RALGPS2: variants seen among roughly 807,000 people sequenced by gnomAD.
RALGPS2 encodes Ral GEF with PH domain and SH3 binding motif 2.
In RALGPS2, 43 loss-of-function variants were observed where a neutral mutation model predicts 86.8. The observed-to-expected ratio is 0.50, with a 90% confidence interval of 0.39 to 0.64. The LOEUF (loss-of-function observed/expected upper bound fraction) is 0.64, where lower values mean the gene tolerates loss of function less well. RALGPS2 is among the 30% of genes least tolerant of loss of function. The pLI, the probability that RALGPS2 is intolerant of heterozygous loss-of-function variation, is 0.00. For missense variants in RALGPS2, 536 were observed against 694.6 expected, an observed-to-expected ratio of 0.77 and a Z score of 2.57; for synonymous variants, 243 against 231.3, an observed-to-expected ratio of 1.05 and a Z score of -0.46.
chr1:178,910,830 G>C (rs755532726), intron 19 of RALGPS2, among the ~76,000 whole-genome samples: 2 of 152,132 alleles, frequency 1.3e-5, no homozygotes, highest in African/African-American at 4.8e-5. Context: ...ATTTTCAGTA[G>C]GATTGGTACT....
intron 6 of RALGPS2, among the ~76,000 whole-genome samples, chr1:178,815,875 T>C (rs761400129): frequency 1.3e-5 from 2 of 152,242 alleles, no homozygotes; most frequent in Non-Finnish European, 2.9e-5. Flanking sequence ...TTGACTACTC[T>C]TGCTCACCAT....
At chr1:178,885,307 T>C (rs1659436419) in intron 12 of RALGPS2, 96 bp downstream of exon 12, 4 of 1,239,776 alleles carry the variant, frequency 3.2e-6, no homozygotes, top group South Asian at 1.8e-5. Context: ...TATCCTTGAA[T>C]AGTTTTCTTT....
At chr1:178,740,265 G>T (rs950307765) in intron 1 of RALGPS2, among the ~76,000 whole-genome samples, 2 of 152,252 alleles carry the variant, frequency 1.3e-5, no homozygotes, top group Non-Finnish European at 2.9e-5. Context: ...ATTCTGGCTT[G>T]CCCACAGTTC....
intron 1 of RALGPS2, among the ~76,000 whole-genome samples, chr1:178,771,802 G>C (rs1002247448): frequency 6.6e-6 from 1 of 152,038 alleles, no homozygotes; most frequent in African/African-American, 2.4e-5. Flanking sequence ...CTTAAATACT[G>C]TTTGGTAAAT....
chr1:178,800,928 CTT>C (rs200726651), intron 4 of RALGPS2, among the ~76,000 whole-genome samples: 25 of 142,454 alleles, frequency 1.8e-4, no homozygotes, highest in Admixed American at 2.1e-4. Flanking sequence ...TATTCCCAAT[CTT>C]TTTTTTTTTT....
intron 1 of RALGPS2, among the ~76,000 whole-genome samples, chr1:178,773,145 A>G (rs1440782848): frequency 2.0e-5 from 3 of 152,326 alleles, no homozygotes; most frequent in East Asian, 1.9e-4. Context: ...AACGTCTGCT[A>G]TTTTATAGAT....
chr1:178,747,851 T>A (rs1651426265), intron 1 of RALGPS2: 2 of 588,186 alleles, frequency 3.4e-6, no homozygotes, highest in Non-Finnish European at 6.1e-6. Flanking sequence ...TTAATCATAA[T>A]GTTAATAGTT....
chr1:178,912,421 T>C (rs1660661384), intron 19 of RALGPS2, among the ~76,000 whole-genome samples: 1 of 152,126 alleles, frequency 6.6e-6, no homozygotes, highest in African/African-American at 2.4e-5. Context: ...CTGAAAAGGA[T>C]TTTCTGTTTC....
intron 1 of RALGPS2, among the ~76,000 whole-genome samples, chr1:178,764,059 G>A (rs1310378012): frequency 1.3e-5 from 2 of 152,046 alleles, no homozygotes; most frequent in Admixed American, 1.3e-4. Context: ...TGTTGTCAGT[G>A]AGGTGTTGAA....
intron 8 of RALGPS2, chr1:178,864,846 A>G (rs1658274778): frequency 3.0e-6 from 2 of 658,190 alleles, no homozygotes; most frequent in Admixed American, 3.9e-5. Flanking sequence ...ATTTTAATGT[A>G]CATATATAAC....
intron 1 of RALGPS2, among the ~76,000 whole-genome samples, chr1:178,757,753 T>C (rs1241698053): frequency 6.6e-6 from 1 of 152,184 alleles, no homozygotes; most frequent in Non-Finnish European, 1.5e-5. Context: ...TGCAGTTTAC[T>C]TGTTTTGTTG....
intron 1 of RALGPS2, chr1:178,747,175 G>T: frequency 1.9e-6 from 2 of 1,059,496 alleles, no homozygotes; most frequent in Non-Finnish European, 3.0e-6. Flanking sequence ...GAGAGAAGGT[G>T]CTGGAGCGTC....
chr1:178,747,477 C>T, intron 1 of RALGPS2: 2 of 1,604,764 alleles, frequency 1.2e-6, no homozygotes, highest in Non-Finnish European at 1.7e-6. Flanking sequence ...CAGTACTGTG[C>T]ACATTTAACC....
intron 1 of RALGPS2, among the ~76,000 whole-genome samples, chr1:178,776,216 G>T (rs193107587): frequency 6.6e-6 from 1 of 152,088 alleles, no homozygotes; most frequent in South Asian, 2.1e-4. Context: ...ATGACATGTA[G>T]TTCATAATAT....
chr1:178,907,041 C>G (rs1348339491), intron 19 of RALGPS2, among the ~76,000 whole-genome samples, 174 bp downstream of exon 19: 5 of 152,168 alleles, frequency 3.3e-5, no homozygotes. Flanking sequence ...AGGAGCTAGA[C>G]AGTAATCATG....
At chr1:178,777,273 G>A (rs1194781961) in intron 2 of RALGPS2, among the ~76,000 whole-genome samples, 1 of 152,028 alleles carries the variant, frequency 6.6e-6, no homozygotes, top group Non-Finnish European at 1.5e-5. Flanking sequence ...GCCAAATCAT[G>A]AGTGAACTCC....
At chr1:178,743,330 TCTAC>T (rs2102026271) in intron 1 of RALGPS2, among the ~76,000 whole-genome samples, 1 of 152,320 alleles carries the variant, frequency 6.6e-6, no homozygotes, top group Non-Finnish European at 1.5e-5. Context: ...CACTTCCATT[TCTAC>T]CTTCAGGCAT....
intron 5 of RALGPS2, 120 bp from the exon 6 acceptor site, chr1:178,811,195 C>T (rs1316599626): frequency 1.7e-6 from 1 of 600,666 alleles, no homozygotes; most frequent in Non-Finnish European, 2.8e-6. Context: ...CTATAAGTAG[C>T]ACCTTTAACA....
chr1:178,813,185 G>C (rs1011685048), intron 6 of RALGPS2, among the ~76,000 whole-genome samples: 23 of 152,050 alleles, frequency 1.5e-4, no homozygotes, highest in Non-Finnish European at 1.9e-4. Flanking sequence ...CTCCCACCTC[G>C]GCCTCCCAAA....
Sources: allele counts gnomAD v4.1 joint callset (sites outside exome capture counted in the v4.1 genomes callset), GRCh38; gene constraint gnomAD v4.1.1; transcripts MANE v1.5; gene names NCBI Gene and HGNC (gene_info 2026-07-23, HGNC 2026-07-21).